ARHGAP15: variants seen among roughly 807,000 people sequenced by gnomAD.
The protein encoded by ARHGAP15 is rho GTPase-activating protein 15.
ARHGAP15 carries 51 observed loss-of-function variants against 63.7 expected under a neutral mutation model. The ratio of observed to expected loss-of-function variants is 0.80; its 90% CI spans 0.64 to 1.01. The LOEUF (loss-of-function observed/expected upper bound fraction) is 1.01, where lower values mean the gene tolerates loss of function less well. Among genes scored for constraint, ARHGAP15 ranks in the 50% least tolerant of loss-of-function variants. ARHGAP15 has a pLI of 0.00. For missense variants in ARHGAP15, 560 were observed against 564.6 expected (o/e 0.99, Z 0.08); for synonymous variants, 191 against 193.8 (o/e 0.99, Z 0.12).
At chr2:143,334,335 G>A (rs1325245274) in intron 6 of ARHGAP15, among the ~76,000 whole-genome samples, 1 of 152,058 alleles carries the variant, frequency 6.6e-6, no homozygotes, top group Non-Finnish European at 1.5e-5. Flanking sequence ...TCAACATGGA[G>A]TGTTCAAAAA....
chr2:143,228,517 T>C, intron 4 of ARHGAP15, 64 bp from the exon 5 acceptor site: 1 of 1,115,968 alleles, frequency 9.0e-7, no homozygotes, highest in Admixed American at 2.0e-5. Flanking sequence ...TTGCTCATAC[T>C]GTATCTATAA....
intron 6 of ARHGAP15, among the ~76,000 whole-genome samples, chr2:143,427,396 T>C (rs1015317391): frequency 6.6e-6 from 1 of 152,326 alleles, no homozygotes; most frequent in East Asian, 1.9e-4. Flanking sequence ...ATTGCTACAA[T>C]GCTGATGGAC....
Position 143,356,144 on chromosome 2 carries a change from G to A in ARHGAP15, c.475-79457G>A, listed in dbSNP as rs1196306164. Among the ~76,000 whole-genome samples the A allele has an allele frequency of 3.3e-5, 5 of 151,980 alleles. No individual in the cohort carries two copies. The East Asian group carries it at 7.7e-4, about 23-fold the overall frequency. ...TTCATCCGAAGAGATAGTGTTGCTC[G>A]GAAGGTAATTTAATAACCTTTTGCA... On this transcript the variant is annotated intron_variant, in intron 6 of 13. Coordinates refer to ENST00000295095, the MANE Select transcript of ARHGAP15 (RefSeq NM_018460.4).
chr2:143,730,090 AAAG>A (rs930806124), intron 13 of ARHGAP15, among the ~76,000 whole-genome samples: 1 of 152,256 alleles, frequency 6.6e-6, no homozygotes, highest in Non-Finnish European at 1.5e-5. Flanking sequence ...AATGGCTTTC[AAAG>A]AAGATAAAGA....
chr2:143,584,627 AAACAAC>A (rs199974019), intron 11 of ARHGAP15, among the ~76,000 whole-genome samples: 11 of 152,124 alleles, frequency 7.2e-5, no homozygotes, highest in South Asian at 6.2e-4. Flanking sequence ...CTCTGTCAAA[AAACAAC>A]AACAACAACA....
chr2:143,264,004 A>T (rs1406626789), intron 6 of ARHGAP15, among the ~76,000 whole-genome samples: 1 of 129,124 alleles, frequency 7.7e-6, no homozygotes, highest in Non-Finnish European at 1.5e-5. Flanking sequence ...TTTTTTCATC[A>T]TTCATCAGCT....
intron 6 of ARHGAP15, among the ~76,000 whole-genome samples, chr2:143,388,742 A>C (rs7606205): frequency 0.36 from 54,065 of 152,014 alleles, 10,136 homozygotes; most frequent in South Asian, 0.47. Context: ...GTAAGTATTA[A>C]ATCTAACTTA....
At chr2:143,539,134 C>G (rs1259895798) in intron 10 of ARHGAP15, among the ~76,000 whole-genome samples, 1 of 152,138 alleles carries the variant, frequency 6.6e-6, no homozygotes, top group Non-Finnish European at 1.5e-5. Flanking sequence ...AGGAACTTAT[C>G]CACTTCTTCT....
At chr2:143,418,963 C>T (rs1360056003) in intron 6 of ARHGAP15, among the ~76,000 whole-genome samples, 2 of 152,098 alleles carry the variant, frequency 1.3e-5, no homozygotes, top group East Asian at 3.9e-4. Flanking sequence ...CACAGCAGCC[C>T]TGGAATCAAG....
chr2:143,624,359 T>C, intron 12 of ARHGAP15, 92 bp downstream of exon 12: 1 of 1,393,036 alleles, frequency 7.2e-7, no homozygotes, highest in Non-Finnish European at 9.5e-7. Flanking sequence ...ATAATAATCA[T>C]GGGGAACAGA....
chr2:143,505,888 C>G (rs1215619564), intron 9 of ARHGAP15, among the ~76,000 whole-genome samples: 1 of 152,184 alleles, frequency 6.6e-6, no homozygotes, highest in African/African-American at 2.4e-5. Context: ...AAGTGCTTTC[C>G]TCTTAGGTGC....
At chr2:143,247,885 G>A (rs1694105148) in intron 5 of ARHGAP15, among the ~76,000 whole-genome samples, 1 of 152,070 alleles carries the variant, frequency 6.6e-6, no homozygotes. Context: ...TATAAAATTG[G>A]GAATTTTAAG....
At chr2:143,494,167 C>A (rs1483538291) in intron 9 of ARHGAP15, among the ~76,000 whole-genome samples, 1 of 152,042 alleles carries the variant, frequency 6.6e-6, no homozygotes, top group Admixed American at 6.5e-5. Flanking sequence ...ATTCCTCCCA[C>A]CTGTTTTCTC....
chr2:143,243,807 G>A (rs1305978637), intron 5 of ARHGAP15, among the ~76,000 whole-genome samples: 1 of 152,058 alleles, frequency 6.6e-6, no homozygotes, highest in Non-Finnish European at 1.5e-5. Flanking sequence ...CTGCTCTTCA[G>A]GCATAGGTCT....
At chr2:143,516,909 A>C (rs1343995481) in intron 9 of ARHGAP15, among the ~76,000 whole-genome samples, 2 of 152,156 alleles carry the variant, frequency 1.3e-5, no homozygotes, top group East Asian at 3.8e-4. Flanking sequence ...CTTGGATAAA[A>C]ATGCACATTT....
chr2:143,671,882 C>T (rs112727377), intron 12 of ARHGAP15, among the ~76,000 whole-genome samples: 50 of 152,256 alleles, frequency 3.3e-4, no homozygotes, highest in African/African-American at 1.2e-3. Flanking sequence ...AGCTTCATAA[C>T]AGTTGCTTAA....
chr2:143,737,244 C>T (rs1029062820), intron 13 of ARHGAP15, among the ~76,000 whole-genome samples: 9 of 152,218 alleles, frequency 5.9e-5, no homozygotes, highest in African/African-American at 2.2e-4. Context: ...TGCATTGCAG[C>T]AGTCTCCTGC....
chr2:143,158,715 G>T (rs1410623923), intron 2 of ARHGAP15, among the ~76,000 whole-genome samples: 2 of 151,876 alleles, frequency 1.3e-5, no homozygotes, highest in African/African-American at 4.8e-5. Flanking sequence ...TCAGTGATTT[G>T]TTGTCCCGTC....
intron 10 of ARHGAP15, among the ~76,000 whole-genome samples, chr2:143,541,982 C>T (rs1307955727): frequency 1.3e-5 from 2 of 152,230 alleles, no homozygotes; most frequent in African/African-American, 2.4e-5. Context: ...GAGGTGGAGC[C>T]TACAGAGGCA....
Sources: allele counts gnomAD v4.1 joint callset (sites outside exome capture counted in the v4.1 genomes callset), GRCh38; gene constraint gnomAD v4.1.1; transcripts MANE v1.5; gene names NCBI Gene and HGNC (gene_info 2026-07-23, HGNC 2026-07-21).